GOSR1: variants seen among roughly 807,000 people sequenced by gnomAD.
GOSR1 encodes golgi SNAP receptor complex member 1, also known as 28 kDa Golgi SNARE protein.
Under a neutral mutation model 35.5 loss-of-function variants are expected in GOSR1, and 21 were observed. The ratio of observed to expected loss-of-function variants is 0.59; its 90% confidence interval spans 0.42 to 0.85. The LOEUF (loss-of-function observed/expected upper bound fraction) is 0.85. Ranked by LOEUF, GOSR1 falls within the 40% of genes least tolerant of loss-of-function variation. GOSR1 has a pLI of 0.00. For synonymous variants in GOSR1, 94 were observed against 106.6 expected (o/e 0.88, Z 0.73); for missense variants, 285 against 309.6 (o/e 0.92, Z 0.60).
chr17:30,517,252 A>G (rs968936232), intron 7 of GOSR1, among the ~76,000 whole-genome samples: 3 of 152,154 alleles, frequency 2.0e-5, no homozygotes, highest in Non-Finnish European at 4.4e-5. Flanking sequence ...TCTTATTGTA[A>G]CAACTTAACT....
chr17:30,492,992 ATT>A (rs780089715), intron 6 of GOSR1, among the ~76,000 whole-genome samples: 3 of 140,950 alleles, frequency 2.1e-5, no homozygotes, highest in Admixed American at 7.1e-5. Flanking sequence ...TATGGTTGTT[ATT>A]TTTTTTTTTT....
At chr17:30,514,167 G>A (rs1479283256) in intron 7 of GOSR1, among the ~76,000 whole-genome samples, 3 of 152,158 alleles carry the variant, frequency 2.0e-5, no homozygotes, top group Non-Finnish European at 4.4e-5. Flanking sequence ...CTCTTCTTGT[G>A]TTCCTTTCAT....
At chr17:30,487,437 C>A (rs1914745043) in intron 4 of GOSR1, among the ~76,000 whole-genome samples, 1 of 151,958 alleles carries the variant, frequency 6.6e-6, no homozygotes, top group Non-Finnish European at 1.5e-5. Flanking sequence ...GGCTAATTTG[C>A]TTACTACACA....
Position 30,522,437 on chromosome 17 carries a change from G to A in GOSR1, c.*59G>A, listed in dbSNP as rs1460417180. ...CTTTCACACCCTGGTCTGGAATAAG[G>A]AAACATCGGAGGGAGAAGTTGACTG... On this transcript the variant is annotated 3_prime_UTR_variant, in exon 9 of 9. Coordinates refer to ENST00000451249, the MANE Select transcript of GOSR1 (RefSeq NM_001007025.2). The A allele has an allele frequency of 7.1e-7, 1 of 1,406,976 alleles. No individual in the cohort carries two copies. Among genetic ancestry groups the A allele is most frequent in the Non-Finnish European group, 9.6e-7 (1 of 1,045,992 alleles). The allele number at this position is 1,406,976 out of a possible 1,614,324, so 87.2% of individuals were successfully genotyped here.
chr17:30,478,057 G>A (rs943547286), intron 1 of GOSR1: 6 of 381,664 alleles, frequency 1.6e-5, no homozygotes, highest in African/African-American at 1.3e-4. Context: ...CTGCTCTAGA[G>A]TCTAGAATCG....
At chr17:30,481,323 C>G in intron 2 of GOSR1, 66 bp downstream of exon 2, 2 of 1,180,356 alleles carry the variant, frequency 1.7e-6, no homozygotes, top group Non-Finnish European at 2.4e-6. Context: ...AAAAAATAAA[C>G]TAAAATATAT....
At chr17:30,495,622 C>A in intron 6 of GOSR1, 1 of 325,614 alleles carries the variant, frequency 3.1e-6, no homozygotes, top group African/African-American at 2.2e-5. Flanking sequence ...CACTGTCAGC[C>A]AACACATTTT....
At chr17:30,481,544 G>A (rs541248316) in intron 2 of GOSR1, among the ~76,000 whole-genome samples, 2 of 152,322 alleles carry the variant, frequency 1.3e-5, no homozygotes, top group South Asian at 2.1e-4. Context: ...AATTCAGCCA[G>A]TGTAGGGAAA....
intron 7 of GOSR1, among the ~76,000 whole-genome samples, chr17:30,516,469 C>CA (rs370736848): frequency 1.2e-4 from 13 of 111,226 alleles, no homozygotes; most frequent in African/African-American, 1.7e-4. Context: ...GACTCCGTCT[C>CA]AAACAAAAAA....
intron 8 of GOSR1, among the ~76,000 whole-genome samples, chr17:30,521,129 A>G (rs1308216367): frequency 7.2e-6 from 1 of 139,342 alleles, no homozygotes; most frequent in East Asian, 2.2e-4. Flanking sequence ...CCTCTTCTCT[A>G]CTGCTCTGTA....
chr17:30,494,322 G>C (rs904401741), intron 6 of GOSR1, among the ~76,000 whole-genome samples: 1 of 151,904 alleles, frequency 6.6e-6, no homozygotes. Flanking sequence ...AATTTCTTTT[G>C]CTATATGGTG....
chr17:30,485,149 A>T (rs949734049), intron 4 of GOSR1: 3 of 316,708 alleles, frequency 9.5e-6, no homozygotes, highest in Non-Finnish European at 1.8e-5. Flanking sequence ...GGAATTATTT[A>T]CTATACTTAG....
At position 30,499,342 on chromosome 17, in the gene GOSR1, C is replaced by CTTTT. The variant is rs3039523; in HGVS notation, c.509+6603_509+6606dup. On this transcript the variant is annotated intron_variant, in intron 6 of 8. Coordinates refer to ENST00000451249, the MANE Select transcript of GOSR1 (RefSeq NM_001007025.2). ...TGTGTGGTCACATGTTCTCATTCCT[C>CTTTT]TTTTTTTTTTTTTTTTTGAGACGGA... 1.6e-4 allele frequency among the ~76,000 whole-genome samples: 21 copies of CTTTT among 133,736 alleles called. 2 individuals are homozygous for CTTTT. Among genetic ancestry groups the CTTTT allele is most frequent in the East Asian group, 4.3e-4 (2 of 4,598 alleles). 87.7% of individuals were successfully genotyped at this position (133,736 alleles called of 152,430 possible). A position where few individuals can be genotyped will look rare whatever the true frequency, so the allele number is the denominator to read the frequency against.
At chr17:30,490,605 T>C (rs1914982636) in intron 5 of GOSR1, among the ~76,000 whole-genome samples, 2 of 152,086 alleles carry the variant, frequency 1.3e-5, no homozygotes, top group Non-Finnish European at 2.9e-5. Context: ...TAACTGAAGC[T>C]CCCTATGTTT....
At chr17:30,487,597 CAT>C (rs1482187748) in intron 4 of GOSR1, among the ~76,000 whole-genome samples, 4 of 152,270 alleles carry the variant, frequency 2.6e-5, no homozygotes, top group South Asian at 2.1e-4. Flanking sequence ...TGATTTTTCA[CAT>C]GTCAGATTAG....
In GOSR1 at chr17:30,492,792, G is replaced by T. The variant is rs758404251; in HGVS notation, c.509+39G>T. 3.4e-6 allele frequency: 4 copies of T among 1,170,694 alleles called. No individual in the cohort carries two copies. In the South Asian group the frequency reaches 3.7e-5, roughly 11 times the overall value. The allele number at this position is 1,170,694 out of a possible 1,614,324, so 72.5% of individuals were successfully genotyped here. ...GTATGTGCATTATGTGGTTTTCCAC[G>T]TTTATTAATTCATTTACTTATGTAA... On this transcript the variant is annotated intron_variant, in intron 6 of 8. Transcript: ENST00000451249.
At chr17:30,481,390 G>T in intron 2 of GOSR1, 133 bp downstream of exon 2, 1 of 559,098 alleles carries the variant, frequency 1.8e-6, no homozygotes, top group Non-Finnish European at 3.1e-6. Flanking sequence ...GCCATTCATT[G>T]TTTTATTTTT....
At chr17:30,508,674 T>C (rs1235718535) in intron 6 of GOSR1, among the ~76,000 whole-genome samples, 2 of 152,250 alleles carry the variant, frequency 1.3e-5, no homozygotes, top group Non-Finnish European at 2.9e-5. Context: ...TCTGGAAATT[T>C]ATATCAATTT....
At chr17:30,492,107 A>G (rs2143699408) in intron 5 of GOSR1, among the ~76,000 whole-genome samples, 1 of 152,266 alleles carries the variant, frequency 6.6e-6, no homozygotes, top group South Asian at 2.1e-4. Flanking sequence ...ATACTTTATT[A>G]TTAGTGGAAA....
Sources: allele counts gnomAD v4.1 joint callset (sites outside exome capture counted in the v4.1 genomes callset), GRCh38; gene constraint gnomAD v4.1.1; transcripts MANE v1.5; gene names NCBI Gene and HGNC (gene_info 2026-07-23, HGNC 2026-07-21).